Variants in STAB2 observed in about 807,000 individuals in gnomAD.
STAB2 encodes stabilin 2.
In STAB2, 288 loss-of-function variants were observed where a neutral mutation model predicts 338.1. That is an observed-to-expected ratio of 0.85 (90% CI 0.77 to 0.94). The LOEUF is 0.94. STAB2 is among the 40% of genes least tolerant of loss of function. The pLI is 0.00. For missense variants in STAB2, 3,141 were observed against 3,210.1 expected, an observed-to-expected ratio of 0.98 and a Z score of 0.52; for synonymous variants, 1,202 against 1,193.3, an observed-to-expected ratio of 1.01 and a Z score of -0.15.
chr12:103,668,354 G>T (rs1278925037), intron 19 of STAB2, among the ~76,000 whole-genome samples: 2 of 152,198 alleles, frequency 1.3e-5, no homozygotes, highest in Non-Finnish European at 2.9e-5. Context: ...AGAATGAACA[G>T]AAAATATTTT....
rs1484125032 is a variant in STAB2 at position 103,740,750 on chromosome 12, T to C, written c.5875T>C (p.Cys1959Arg). The C allele has an allele frequency of 6.3e-7, 1 of 1,580,578 alleles. No individual in the cohort carries two copies. Among genetic ancestry groups the C allele is most frequent in the Non-Finnish European group, 8.6e-7 (1 of 1,167,982 alleles). The change falls in exon 55 of 69, where the codon TGT (cysteine) becomes CGT (arginine). Residue 1959 changes from cysteine to arginine, a missense_variant. Physicochemically the swap from Cys to Arg is radical, Grantham distance 180. Transcript: ENST00000388887. The stretch of plus-strand genomic sequence containing the variant: ...CTGCAAGGGCTACTTCGGGCGAGAC[T>C]GTCAGGGTGAGGGTGCCTCTTCCCC... ...RCCKGYFGRD[C>R]QACPGGPDAP...
rs891572451 is a variant in STAB2 at position 103,689,974 on chromosome 12, C to T, written c.3174C>T (p.Ala1058=). 3 of 1,612,830 alleles carry T rather than the reference C, an allele frequency of 1.9e-6. No individual in the cohort carries two copies. Among genetic ancestry groups the T allele is most frequent in the African/African-American group, 2.7e-5 (2 of 74,846 alleles). ...GGTTGTCACAGAGCAATATTCCAGCCCTAATAAAGTAGGTGTTACTTATTT... is the reference window on the plus strand; with the variant it reads ...GGTTGTCACAGAGCAATATTCCAGCTCTAATAAAGTAGGTGTTACTTATTT... The part of the protein sequence containing the change: ...SFWLSQSNIP[A]LIKYHMLLGT... Residue 1058 remains alanine (A), a synonymous_variant, in exon 29 of 69, where the codon GCC becomes GCT. Coordinates refer to ENST00000388887, the MANE Select transcript of STAB2 (RefSeq NM_017564.10).
intron 55 of STAB2, among the ~76,000 whole-genome samples, chr12:103,741,195 T>C (rs1882556516): frequency 6.6e-6 from 1 of 152,122 alleles, no homozygotes. Flanking sequence ...ATGTATAGCA[T>C]TGGCTCCCTC....
intron 40 of STAB2, among the ~76,000 whole-genome samples, chr12:103,712,015 A>G (rs1473022222): frequency 6.6e-6 from 1 of 152,240 alleles, no homozygotes; most frequent in Non-Finnish European, 1.5e-5. Flanking sequence ...TGTAAATGGG[A>G]ATAATCCGAC....
rs565758439 is a variant in STAB2 at position 103,591,256 on chromosome 12, G to A, written c.215+226G>A. The stretch of plus-strand genomic sequence containing the variant: ...TCCCAGCACTCTGGGAGGCCGAGAT[G>A]GGAGTATCACTTGAGATCAGGAGTT... On this transcript the variant is annotated intron_variant, in intron 2 of 68. Coordinates refer to ENST00000388887, the MANE Select transcript of STAB2 (RefSeq NM_017564.10). Among the ~76,000 whole-genome samples, 3 of 152,198 alleles carry A rather than the reference G, an allele frequency of 2.0e-5. No homozygotes were observed. The East Asian group carries it at 5.8e-4, about 29-fold the overall frequency.
At chr12:103,681,918 T>A (rs1221225253) in intron 25 of STAB2, among the ~76,000 whole-genome samples, 1 of 152,116 alleles carries the variant, frequency 6.6e-6, no homozygotes, top group Non-Finnish European at 1.5e-5. Context: ...CTGGTCTTAC[T>A]GGATTCAAGG....
At chr12:103,688,957 G>A (rs972548859) in intron 28 of STAB2, among the ~76,000 whole-genome samples, 4 of 151,940 alleles carry the variant, frequency 2.6e-5, no homozygotes, top group Non-Finnish European at 5.9e-5. Flanking sequence ...ATCAGCCCTG[G>A]TGGGAGTATT....
At chr12:103,606,241 G>A (rs1410826657) in intron 3 of STAB2, among the ~76,000 whole-genome samples, 1 of 152,046 alleles carries the variant, frequency 6.6e-6, no homozygotes, top group Non-Finnish European at 1.5e-5. Context: ...CTATGCACAA[G>A]AATCTTATAA....
At chr12:103,744,529 T>C (rs1882853641) in intron 56 of STAB2, among the ~76,000 whole-genome samples, 1 of 150,448 alleles carries the variant, frequency 6.6e-6, no homozygotes, top group Non-Finnish European at 1.5e-5. Context: ...TACAGTGGTG[T>C]GATCACAGCT....
chr12:103,711,600 G>T (rs565371462), intron 40 of STAB2, 84 bp downstream of exon 40: 1 of 1,482,392 alleles, frequency 6.7e-7, no homozygotes, highest in South Asian at 1.2e-5. Context: ...ATCCTCAGGG[G>T]ATTTGTTTCC....
chr12:103,713,740 C>T lies in STAB2; in HGVS notation c.4509C>T (p.Gly1503=). The T allele has an allele frequency of 3.1e-6, 5 of 1,614,034 alleles. No homozygotes were observed. The highest frequency in any genetic ancestry group is 4.2e-6 in the Non-Finnish European group (5 of 1,179,922). ...PGRRVCTCKA[G]YTGDGIVCLE... is the part of the protein sequence containing the mutation. ...GGCGAGTGTGCACGTGCAAAGCAGGCTACACGGGTGATGGCATTGTGTGCC... is the reference window on the plus strand; with the variant it reads ...GGCGAGTGTGCACGTGCAAAGCAGGTTACACGGGTGATGGCATTGTGTGCC... Residue 1503 remains glycine (G), a synonymous_variant, in exon 42 of 69, where the codon GGC becomes GGT. Transcript: ENST00000388887.
intron 5 of STAB2, among the ~76,000 whole-genome samples, chr12:103,629,237 A>G (rs1593159594): frequency 6.6e-6 from 1 of 152,260 alleles, no homozygotes; most frequent in East Asian, 1.9e-4. Context: ...CACCATCAGA[A>G]AAAAGACTCA....
Position 103,620,624 on chromosome 12 carries a change from A to AACACACACACAC in STAB2, c.417+90_417+101dup, listed in dbSNP as rs34881989. 441 of 842,478 alleles carry AACACACACACAC rather than the reference A, an allele frequency of 5.2e-4. 2 individuals are homozygous for AACACACACACAC. In the African/African-American group the frequency reaches 6.7e-3, roughly 13 times the overall value. 52.2% of individuals were successfully genotyped at this position (842,478 alleles called of 1,614,324 possible). On this transcript the variant is annotated intron_variant, in intron 4 of 68. Transcript: ENST00000388887. ...TCTTCTTACCTGTTGATCCTCCTTA[A>AACACACACACAC]ACACACACACACACACACACACACA...
Position 103,690,471 on chromosome 12 carries a change from T to C in STAB2, c.3230T>C (p.Leu1077Pro). The C allele has an allele frequency of 1.2e-6, 2 of 1,614,168 alleles. No homozygotes were observed. Among genetic ancestry groups the C allele is most frequent in the South Asian group, 2.2e-5 (2 of 91,088 alleles). Residue 1077 changes from leucine (L) to proline (P), a missense_variant, in exon 30 of 69, where the codon CTG becomes CCG. By Grantham distance (98) the Leu-to-Pro change is moderately conservative (BLOSUM62 -3). Coordinates refer to ENST00000388887, the MANE Select transcript of STAB2 (RefSeq NM_017564.10). ...TACAGAGTGGCAGATCTGCAGACCC[T>C]GTCTTCTTCTGACATGTTGGCAACA... The part of the protein sequence containing the change: ...GTYRVADLQT[L>P]SSSDMLATSL...
Position 103,729,338 on chromosome 12 carries a change from C to T in STAB2, c.5082+343C>T, listed in dbSNP as rs138196440. Among the ~76,000 whole-genome samples the T allele has an allele frequency of 3.2e-3, 485 of 152,104 alleles. 2 individuals are homozygous for T. Among genetic ancestry groups the T allele is most frequent in the African/African-American group, 0.011 (459 of 41,522 alleles). On this transcript the variant is annotated intron_variant, in intron 48 of 68. Transcript: ENST00000388887. ...TGTGTAGCAAACCTGCATATGTTCCCCTGAACATAAAAGTTGTTTGCTTTT... is the reference window on the plus strand; with the variant it reads ...TGTGTAGCAAACCTGCATATGTTCCTCTGAACATAAAAGTTGTTTGCTTTT...
intron 13 of STAB2, 80 bp downstream of exon 13, chr12:103,654,778 G>A (rs1325540787): frequency 3.3e-6 from 5 of 1,509,882 alleles, no homozygotes; most frequent in Non-Finnish European, 3.6e-6. Flanking sequence ...GAGCATGCCA[G>A]CACTCTGTGC....
intron 45 of STAB2, 69 bp downstream of exon 45, chr12:103,725,163 A>C (rs1179981972): frequency 3.4e-5 from 54 of 1,582,782 alleles, no homozygotes; most frequent in Non-Finnish European, 3.7e-5. Context: ...CAGGTAGCTA[A>C]GGAGTATTTA....
rs150571623 is a variant in STAB2 at position 103,761,408 on chromosome 12, G to A, written c.7357G>A (p.Val2453Met). ...GCCTTTAAAAGCACCCCCTGCCCCC[G>A]TGGTGAGTATCTAGGGTCCCTGATA... ...SRPLKAPPAP[V>M]TLTHTGLGAG... Residue 2453 changes from valine to methionine, a missense_variant and splice_region_variant, in exon 66 of 69, where the codon GTG becomes ATG. Coordinates refer to ENST00000388887, the MANE Select transcript of STAB2 (RefSeq NM_017564.10). The A allele has an allele frequency of 7.1e-5, 114 of 1,613,232 alleles. No homozygotes were observed. In the Admixed American group the frequency reaches 8.3e-4, roughly 12 times the overall value.
chr12:103,762,922 G>A (rs1884648540), intron 67 of STAB2, among the ~76,000 whole-genome samples: 1 of 152,136 alleles, frequency 6.6e-6, no homozygotes, highest in South Asian at 2.1e-4. Flanking sequence ...AATATGGCCG[G>A]GGCAGCAGCA....
Sources: gnomAD v4.1 joint callset for allele counts (sites outside exome capture counted in the v4.1 genomes callset) on GRCh38, gnomAD v4.1.1 for gene constraint, MANE v1.5 for transcripts, NCBI Gene and HGNC (gene_info 2026-07-23, HGNC 2026-07-21) for gene names.